Variants in CDYL observed in about 807,000 individuals in gnomAD.
The protein encoded by CDYL is chromodomain Y-like protein.
Under a neutral mutation model 47.3 loss-of-function variants are expected in CDYL, and 8 were observed. That is an observed-to-expected ratio of 0.17 (90% CI 0.10 to 0.31). The LOEUF is 0.31. CDYL is among the 10% of genes least tolerant of loss of function. The pLI, the probability that CDYL is intolerant of heterozygous loss-of-function variation, is 1.00. For synonymous variants in CDYL, 266 were observed against 265.0 expected (o/e 1.00, Z -0.04); for missense variants, 471 against 701.4 (o/e 0.67, Z 3.71).
At chr6:4,821,469 C>G (rs377419996) in intron 1 of CDYL, among the ~76,000 whole-genome samples, 1 of 151,848 alleles carries the variant, frequency 6.6e-6, no homozygotes, top group South Asian at 2.1e-4. Flanking sequence ...CGTGGTGGCT[C>G]ATGCCTGTAA....
chr6:4,794,200 A>G (rs934981376), intron 1 of CDYL, among the ~76,000 whole-genome samples: 2 of 152,128 alleles, frequency 1.3e-5, no homozygotes, highest in Middle Eastern at 3.4e-3. Flanking sequence ...TTGCGGGGAG[A>G]TAAGAGACAC....
chr6:4,881,180 T>G (rs2127478186), intron 1 of CDYL, among the ~76,000 whole-genome samples: 1 of 152,312 alleles, frequency 6.6e-6, no homozygotes, highest in Non-Finnish European at 1.5e-5. Context: ...TGATAGGGTT[T>G]GATTTGGGTC....
intron 1 of CDYL, among the ~76,000 whole-genome samples, chr6:4,835,475 G>T (rs899033188): frequency 1.3e-5 from 2 of 152,212 alleles, no homozygotes; most frequent in African/African-American, 4.8e-5. Flanking sequence ...ATGTCAGTCC[G>T]CCCCTACTGG....
intron 1 of CDYL, among the ~76,000 whole-genome samples, chr6:4,803,530 G>C (rs1312148518): frequency 6.6e-6 from 1 of 152,128 alleles, no homozygotes; most frequent in Non-Finnish European, 1.5e-5. Flanking sequence ...ACTTTCTCCA[G>C]TAACAGGATT....
intron 1 of CDYL, among the ~76,000 whole-genome samples, chr6:4,852,515 T>TCTTC (rs200229800): frequency 0.052 from 4,495 of 87,026 alleles, 871 homozygotes; most frequent in African/African-American, 0.16. Flanking sequence ...TTCCTTCCAA[T>TCTTC]CTTCCTTCCT....
chr6:4,746,295 C>T (rs1372159440), intron 3 of CDYL, among the ~76,000 whole-genome samples: 3 of 147,390 alleles, frequency 2.0e-5, no homozygotes, highest in African/African-American at 5.0e-5. Context: ...ACCCGGGAGG[C>T]GGAGGTTGCA....
At position 4,943,917 on chromosome 6, in the gene CDYL, G is replaced by T. The variant is rs112982133; in HGVS notation, c.1332+161G>T. The T allele has an allele frequency of 5.1e-3, 2,826 of 555,296 alleles. 62 individuals are homozygous for T. The highest frequency in any genetic ancestry group is 0.047 in the African/African-American group (2,515 of 53,418). The allele number at this position is 555,296 out of a possible 1,614,324, so 34.4% of individuals were successfully genotyped here. A position where few individuals can be genotyped will look rare whatever the true frequency, so the allele number is the denominator to read the frequency against. ...GGGTTCATAGACGTTGTTGACCTTTGTTGCATCATTCCCTAGAGAAGGACT... is the reference window on the plus strand; with the variant it reads ...GGGTTCATAGACGTTGTTGACCTTTTTTGCATCATTCCCTAGAGAAGGACT... On this transcript the variant is annotated intron_variant, in intron 5 of 6. Coordinates refer to ENST00000397588, the MANE Select transcript of CDYL (RefSeq NM_004824.4).
chr6:4,798,238 G>A (rs2127437867), intron 1 of CDYL, among the ~76,000 whole-genome samples: 1 of 152,214 alleles, frequency 6.6e-6, no homozygotes, highest in Middle Eastern at 3.4e-3. Flanking sequence ...CTCCCAAAGT[G>A]CTAGGATTAC....
intron 3 of CDYL, among the ~76,000 whole-genome samples, chr6:4,748,995 C>T (rs1217822104): frequency 6.6e-6 from 1 of 152,230 alleles, no homozygotes; most frequent in Non-Finnish European, 1.5e-5. Context: ...ATGGAAGTGA[C>T]TCCCCTGTAG....
chr6:4,951,717 A>AT (rs1342035349), intron 5 of CDYL, among the ~76,000 whole-genome samples: 1 of 151,930 alleles, frequency 6.6e-6, no homozygotes, highest in Non-Finnish European at 1.5e-5. Context: ...CCATTAGAAT[A>AT]TTTTTTCTGT....
At chr6:4,778,586 A>G (rs1758530813) in intron 1 of CDYL, among the ~76,000 whole-genome samples, 1 of 152,208 alleles carries the variant, frequency 6.6e-6, no homozygotes, top group Admixed American at 6.5e-5. Context: ...CATGCTTTCA[A>G]GGAGTGTCTG....
In CDYL at chr6:4,880,250, A is replaced by G. The variant is rs560566201; in HGVS notation, c.25-11463A>G. On this transcript the variant is annotated intron_variant, in intron 1 of 6. Coordinates refer to ENST00000397588, the MANE Select transcript of CDYL (RefSeq NM_004824.4). ...TACTGTCTCCACAGTTTTGCCTTTT[A>G]CAATATGTTGTATAGTTTAAGTCAT... Among the ~76,000 whole-genome samples, 3 of 152,110 alleles carry G rather than the reference A, an allele frequency of 2.0e-5. No homozygotes were observed. The East Asian group carries it at 5.8e-4, about 29-fold the overall frequency.
At chr6:4,800,659 C>T (rs999787017) in intron 1 of CDYL, among the ~76,000 whole-genome samples, 2 of 152,052 alleles carry the variant, frequency 1.3e-5, no homozygotes, top group African/African-American at 4.8e-5. Flanking sequence ...CCTTATTTTA[C>T]CTTCATTTTT....
chr6:4,827,103 T>C (rs1760002156), intron 1 of CDYL, among the ~76,000 whole-genome samples: 1 of 152,232 alleles, frequency 6.6e-6, no homozygotes, highest in Non-Finnish European at 1.5e-5. Context: ...TTGTCTGATA[T>C]TAGTGTAGCC....
chr6:4,771,663 C>T (rs1758340180), upstream of CDYL, among the ~76,000 whole-genome samples: 1 of 152,182 alleles, frequency 6.6e-6, no homozygotes, highest in Admixed American at 6.5e-5. Context: ...TTTCTATTTT[C>T]CTTACCAGTC....
At chr6:4,748,657 A>ACACACACG (rs1554133589) in intron 3 of CDYL, among the ~76,000 whole-genome samples, 1 of 7,242 alleles carries the variant, frequency 1.4e-4, no homozygotes, top group African/African-American at 2.8e-4. Flanking sequence ...GATGGCAAAG[A>ACACACACG]CACACACACA....
At chr6:4,948,136 C>A (rs6597099) in intron 5 of CDYL, among the ~76,000 whole-genome samples, 5 of 152,066 alleles carry the variant, frequency 3.3e-5, no homozygotes, top group Non-Finnish European at 7.3e-5. Flanking sequence ...AATCCTCATC[C>A]TCTGGAACAT....
intron 2 of CDYL, among the ~76,000 whole-genome samples, chr6:4,898,563 G>C (rs1043284028): frequency 6.6e-6 from 1 of 152,182 alleles, no homozygotes; most frequent in Non-Finnish European, 1.5e-5. Flanking sequence ...GAGACATGTA[G>C]ATGCACAGCC....
intron 2 of CDYL, among the ~76,000 whole-genome samples, chr6:4,925,669 G>A (rs946118370): frequency 5.3e-5 from 8 of 152,130 alleles, no homozygotes; most frequent in African/African-American, 1.9e-4. Context: ...GCCCACCTCG[G>A]CCTCCTAAAG....
Sources: allele counts gnomAD v4.1 joint callset (sites outside exome capture counted in the v4.1 genomes callset), GRCh38; gene constraint gnomAD v4.1.1; transcripts MANE v1.5; gene names NCBI Gene and HGNC (gene_info 2026-07-23, HGNC 2026-07-21).